Variants in VDAC1 observed in about 807,000 individuals in gnomAD.
VDAC1 encodes the protein non-selective voltage-gated ion channel VDAC1.
In VDAC1, 10 loss-of-function variants were observed where a neutral mutation model predicts 34.7. The ratio of observed to expected loss-of-function variants is 0.29; its 90% CI spans 0.18 to 0.49. The LOEUF (loss-of-function observed/expected upper bound fraction) is 0.49. Among genes scored for constraint, VDAC1 ranks in the 20% least tolerant of loss-of-function variants. The pLI is 0.99. For missense variants in VDAC1, 230 were observed against 347.9 expected (o/e 0.66, Z 2.69); for synonymous variants, 130 against 136.0 (o/e 0.96, Z 0.30).
upstream of VDAC1, among the ~76,000 whole-genome samples, chr5:134,007,117 G>C (rs377633878): frequency 9.9e-5 from 15 of 152,120 alleles, no homozygotes; most frequent in East Asian, 2.7e-3. Flanking sequence ...GGTGGCACAT[G>C]CCTATAATCC....
intron 5 of VDAC1, among the ~76,000 whole-genome samples, chr5:133,988,588 C>A (rs1421055158): frequency 2.0e-5 from 3 of 151,900 alleles, no homozygotes; most frequent in Non-Finnish European, 4.4e-5. Flanking sequence ...TACGGTGAAA[C>A]CCCCGTCTCC....
the VDAC1 span, among the ~76,000 whole-genome samples, chr5:134,084,571 T>A: frequency 6.6e-6 from 1 of 152,240 alleles, no homozygotes; most frequent in African/African-American, 2.4e-5. Context: ...CCCACATGCC[T>A]GCTCAGGTCC....
the VDAC1 span, among the ~76,000 whole-genome samples, chr5:134,107,329 T>G: frequency 1.3e-5 from 2 of 152,238 alleles, no homozygotes; most frequent in African/African-American, 4.8e-5. Context: ...GGGAGCTCAC[T>G]GCCTCTGCTG....
Position 133,984,210 on chromosome 5 carries a change from C to T in VDAC1, c.324-3254G>A, listed in dbSNP as rs139478204. On this transcript the variant is annotated intron_variant, in intron 5 of 8. Coordinates refer to ENST00000265333, the MANE Select transcript of VDAC1 (RefSeq NM_003374.3). ...AGCTAGAACTGACTATAGGTGCGCA[C>T]CACCAGGCCCAGCTAGTGTGTGTGT... 3.4e-3 allele frequency among the ~76,000 whole-genome samples: 518 copies of T among 152,194 alleles called. 1 individual carries two copies. Among genetic ancestry groups the T allele is most frequent in the African/African-American group, 0.012 (500 of 41,512 alleles).
the VDAC1 span, among the ~76,000 whole-genome samples, chr5:134,016,704 A>G: frequency 6.6e-6 from 1 of 152,222 alleles, no homozygotes; most frequent in Non-Finnish European, 1.5e-5. Flanking sequence ...AAATAGAAAA[A>G]TAAAAATAAA....
chr5:134,072,762 G>C, the VDAC1 span, among the ~76,000 whole-genome samples: 2 of 152,174 alleles, frequency 1.3e-5, no homozygotes, highest in African/African-American at 4.8e-5. Flanking sequence ...CTCTGCCCCA[G>C]TGATGGTCTC....
the VDAC1 span, among the ~76,000 whole-genome samples, chr5:134,109,055 T>C: frequency 6.6e-6 from 1 of 152,120 alleles, no homozygotes; most frequent in Non-Finnish European, 1.5e-5. Flanking sequence ...TTCCACAAGA[T>C]GGTGAGTTGC....
In VDAC1 at chr5:133,980,709, C is replaced by CCCT; in HGVS notation, c.551+19_551+20insAGG. ...CTCCAACCCCACCCCTCCCACCCTG[C>CCCT]TGCCCCCATGTACACTTACACATTA... On this transcript the variant is annotated intron_variant, in intron 6 of 8. Transcript: ENST00000265333. The CCCT allele has an allele frequency of 9.6e-7, 1 of 1,043,066 alleles. No homozygotes were observed. The highest frequency in any genetic ancestry group is 1.4e-6 in the Non-Finnish European group (1 of 697,332). 64.6% of individuals were successfully genotyped at this position (1,043,066 alleles called of 1,614,324 possible). A position where few individuals can be genotyped will look rare whatever the true frequency, so the allele number is the denominator to read the frequency against.
the VDAC1 span, among the ~76,000 whole-genome samples, chr5:134,089,672 G>A: frequency 2.9e-5 from 4 of 137,504 alleles, no homozygotes; most frequent in Admixed American, 2.2e-4. Flanking sequence ...GCTCATGGCC[G>A]GGTGTGGTGG....
At chr5:134,039,545 G>A in the VDAC1 span, among the ~76,000 whole-genome samples, 5 of 152,176 alleles carry the variant, frequency 3.3e-5, no homozygotes, top group East Asian at 1.9e-4. Flanking sequence ...TAGCCAGGAT[G>A]GTCTCGATCT....
At chr5:134,002,523 C>T (rs1007849110) in intron 1 of VDAC1, among the ~76,000 whole-genome samples, 3 of 152,162 alleles carry the variant, frequency 2.0e-5, no homozygotes, top group Admixed American at 6.5e-5. Flanking sequence ...ACAAGTTTCC[C>T]TCGGGACTTG....
chr5:134,075,644 C>T, the VDAC1 span, among the ~76,000 whole-genome samples: 17 of 152,286 alleles, frequency 1.1e-4, no homozygotes, highest in Admixed American at 3.3e-4. Flanking sequence ...AGTGCAGTGG[C>T]GCAATCTCGG....
At chr5:134,049,978 C>T in the VDAC1 span, among the ~76,000 whole-genome samples, 2 of 152,122 alleles carry the variant, frequency 1.3e-5, no homozygotes, top group African/African-American at 2.4e-5. Context: ...CGCCCAGGCG[C>T]GGTGGCTCAC....
At chr5:134,064,970 T>C in the VDAC1 span, among the ~76,000 whole-genome samples, 1 of 152,084 alleles carries the variant, frequency 6.6e-6, no homozygotes, top group South Asian at 2.1e-4. Flanking sequence ...TCTGCCTGAC[T>C]CAGCCTTCCA....
intron 1 of VDAC1, among the ~76,000 whole-genome samples, chr5:133,995,838 G>A (rs781140995): frequency 6.6e-6 from 1 of 152,240 alleles, no homozygotes; most frequent in Non-Finnish European, 1.5e-5. Context: ...GGCGAGGACT[G>A]GAGGAAAGAA....
At chr5:134,060,376 T>C in the VDAC1 span, among the ~76,000 whole-genome samples, 1 of 151,920 alleles carries the variant, frequency 6.6e-6, no homozygotes, top group African/African-American at 2.4e-5. Flanking sequence ...TCAGGAAATA[T>C]GAATGAATGA....
At chr5:134,106,725 T>G in the VDAC1 span, among the ~76,000 whole-genome samples, 1 of 152,102 alleles carries the variant, frequency 6.6e-6, no homozygotes, top group East Asian at 1.9e-4. Context: ...ATCTTACAGA[T>G]GATACCAAAG....
At chr5:134,103,794 A>G in the VDAC1 span, among the ~76,000 whole-genome samples, 1 of 152,260 alleles carries the variant, frequency 6.6e-6, no homozygotes, top group Non-Finnish European at 1.5e-5. Flanking sequence ...AGAACACCAC[A>G]CTATCTTGTA....
the VDAC1 span, among the ~76,000 whole-genome samples, chr5:134,112,201 C>T: frequency 2.2e-4 from 33 of 152,208 alleles, no homozygotes; most frequent in African/African-American, 7.2e-4. Context: ...AGGAAGCCAC[C>T]CTGACTACTC....
Sources: allele counts gnomAD v4.1 joint callset (sites outside exome capture counted in the v4.1 genomes callset), GRCh38; gene constraint gnomAD v4.1.1; transcripts MANE v1.5; gene names NCBI Gene and HGNC (gene_info 2026-07-23, HGNC 2026-07-21).